Variants in UBE2J1 observed in about 807,000 individuals in gnomAD.
UBE2J1 encodes ubiquitin-conjugating enzyme E2 J1.
A neutral mutation model predicts 42.1 loss-of-function variants in UBE2J1; 17 were observed. The ratio of observed to expected loss-of-function variants is 0.40; its 90% CI spans 0.28 to 0.61. The LOEUF is 0.61. Ranked by LOEUF, UBE2J1 falls within the 20% of genes least tolerant of loss-of-function variation. The pLI, the probability that UBE2J1 is intolerant of heterozygous loss-of-function variation, is 0.38. For synonymous variants in UBE2J1, 127 were observed against 137.2 expected (o/e 0.93, Z 0.52); for missense variants, 291 against 389.4 (o/e 0.75, Z 2.13).
In UBE2J1 at chr6:89,329,562, A is replaced by G. The variant is rs1767963408; in HGVS notation, c.*117T>C. 9 of 1,157,960 alleles carry G rather than the reference A, an allele frequency of 7.8e-6. No individual in the cohort carries two copies. In the South Asian group the frequency reaches 1.1e-4, roughly 14 times the overall value. 71.7% of individuals were successfully genotyped at this position (1,157,960 alleles called of 1,614,324 possible). On this transcript the variant is annotated 3_prime_UTR_variant, in exon 8 of 8. Coordinates refer to ENST00000435041, the MANE Select transcript of UBE2J1 (RefSeq NM_016021.3). ...TTTATACTAAACTTACAAGGATCAA[A>G]AAAAGGAATGAAGGGTAAATACAAA...
chr6:89,348,720 C>T (rs1426533476), intron 1 of UBE2J1, among the ~76,000 whole-genome samples: 1 of 152,154 alleles, frequency 6.6e-6, no homozygotes, highest in Non-Finnish European at 1.5e-5. Flanking sequence ...ATAATTACAA[C>T]CAAGTGGTAA....
chr6:89,340,316 T>C (rs911512485), intron 3 of UBE2J1, among the ~76,000 whole-genome samples: 4 of 152,224 alleles, frequency 2.6e-5, no homozygotes, highest in African/African-American at 7.2e-5. Flanking sequence ...TATTGAAATA[T>C]ACCTGTATTT....
chr6:89,350,269 C>A (rs1562426447), intron 1 of UBE2J1, among the ~76,000 whole-genome samples: 1 of 152,206 alleles, frequency 6.6e-6, no homozygotes, highest in Non-Finnish European at 1.5e-5. Context: ...ACATCAAAGA[C>A]AATCCCACAT....
rs1188110910 is a variant in UBE2J1 at position 89,326,799 on chromosome 6, C to T, written c.*2880G>A. Reference sequence around the variant, plus strand: ...AGTCACGTTCACTAAATGCATTAACCTTACATATACTTCCAATTAAAAAAA... The same window carrying T: ...AGTCACGTTCACTAAATGCATTAACTTTACATATACTTCCAATTAAAAAAA... On this transcript the variant is annotated 3_prime_UTR_variant, in exon 8 of 8. Coordinates refer to ENST00000435041, the MANE Select transcript of UBE2J1 (RefSeq NM_016021.3). 6.6e-6 allele frequency: 1 copy of T among 152,072 alleles called. No individual in the cohort carries two copies. Among genetic ancestry groups the T allele is most frequent in the Non-Finnish European group, 1.5e-5 (1 of 68,006 alleles). The allele number at this position is 152,072 out of a possible 1,614,324, so 9.4% of individuals were successfully genotyped here.
chr6:89,345,825 T>G (rs1166467562), intron 1 of UBE2J1, among the ~76,000 whole-genome samples: 1 of 151,470 alleles, frequency 6.6e-6, no homozygotes, highest in Non-Finnish European at 1.5e-5. Context: ...GAGAATCGCT[T>G]AAACCCAGGA....
At chr6:89,343,797 T>A in intron 1 of UBE2J1, 41 bp from the exon 2 acceptor site, 1 of 1,482,810 alleles carries the variant, frequency 6.7e-7, no homozygotes, top group Non-Finnish European at 9.2e-7. Flanking sequence ...TAAAATATAC[T>A]TTTCTGAATG....
At position 89,329,797 on chromosome 6, in the gene UBE2J1, TTG is replaced by T; in HGVS notation, c.837_838del (p.Asp279GlufsTer4). The T allele has an allele frequency of 6.2e-7, 1 of 1,614,050 alleles. No individual in the cohort carries two copies. Among genetic ancestry groups the T allele is most frequent in the Non-Finnish European group, 8.5e-7 (1 of 1,179,990 alleles). On this transcript the variant is annotated frameshift_variant, in exon 8 of 8. Coordinates refer to ENST00000435041, the MANE Select transcript of UBE2J1 (RefSeq NM_016021.3). LOFTEE classifies it high-confidence loss of function. Reference sequence around the variant, plus strand: ...AGCTGACCCACCATGATCAGTGTGGTTGTCTCTTGGCTGGTGGCCCTGGATTA... The same window carrying T: ...AGCTGACCCACCATGATCAGTGTGGTTCTCTTGGCTGGTGGCCCTGGATTA...
In UBE2J1 at chr6:89,344,150, T is replaced by C. The variant is rs553308015; in HGVS notation, c.32-394A>G. ...GAAGCCGAGACACGGAGAGATTATA[T>C]AGTCACACAGCTAGTAAATGACAGA... On this transcript the variant is annotated intron_variant, in intron 1 of 7. Coordinates refer to ENST00000435041, the MANE Select transcript of UBE2J1 (RefSeq NM_016021.3). 2.9e-3 allele frequency among the ~76,000 whole-genome samples: 441 copies of C among 152,244 alleles called. 3 individuals are homozygous for C. Among genetic ancestry groups the C allele is most frequent in the African/African-American group, 1.0e-2 (414 of 41,516 alleles).
chr6:89,351,730 C>T (rs1423300668), intron 1 of UBE2J1, among the ~76,000 whole-genome samples: 2 of 152,090 alleles, frequency 1.3e-5, no homozygotes, highest in African/African-American at 4.8e-5. Context: ...TATCAAGGTA[C>T]AGATAGAAAA....
At chr6:89,350,674 C>G (rs949515975) in intron 1 of UBE2J1, among the ~76,000 whole-genome samples, 1 of 152,022 alleles carries the variant, frequency 6.6e-6, no homozygotes, top group Non-Finnish European at 1.5e-5. Flanking sequence ...AGAAGCATGT[C>G]AACCAAAGCT....
chr6:89,352,270 C>G (rs1205463988), intron 1 of UBE2J1, among the ~76,000 whole-genome samples: 1 of 152,322 alleles, frequency 6.6e-6, no homozygotes, highest in South Asian at 2.1e-4. Flanking sequence ...GAGTTTCTGA[C>G]CCAGCTCTAC....
chr6:89,342,305 A>C lies in UBE2J1; in HGVS notation c.237+19T>G. 1 of 1,613,372 alleles carries C rather than the reference A, an allele frequency of 6.2e-7. No homozygotes were observed. The highest frequency in any genetic ancestry group is 2.2e-5 in the East Asian group (1 of 44,842). ...GGAAGAGTGAAGCCACAAGCACTCTAAAAATCCAAAATTCTTACCGTTAGG... is the reference window on the plus strand; with the variant it reads ...GGAAGAGTGAAGCCACAAGCACTCTCAAAATCCAAAATTCTTACCGTTAGG... On this transcript the variant is annotated intron_variant, in intron 3 of 7. Coordinates refer to ENST00000435041, the MANE Select transcript of UBE2J1 (RefSeq NM_016021.3).
Position 89,352,713 on chromosome 6 carries a change from C to G in UBE2J1, c.-144G>C. 5 of 903,334 alleles carry G rather than the reference C, an allele frequency of 5.5e-6. No homozygotes were observed. The South Asian group carries it at 1.2e-4, about 21-fold the overall frequency. 56.0% of individuals were successfully genotyped at this position (903,334 alleles called of 1,614,324 possible). A position where few individuals can be genotyped will look rare whatever the true frequency, so the allele number is the denominator to read the frequency against. On this transcript the variant is annotated 5_prime_UTR_variant, in exon 1 of 8. Coordinates refer to ENST00000435041, the MANE Select transcript of UBE2J1 (RefSeq NM_016021.3). Reference sequence around the variant, plus strand: ...ATGCCGCCCAGTCCAGCCTGGACTGCGGGCGGGGTGGCAAGGCTGAGTGCG... The same window carrying G: ...ATGCCGCCCAGTCCAGCCTGGACTGGGGGCGGGGTGGCAAGGCTGAGTGCG...
In UBE2J1 at chr6:89,327,193, AT is replaced by A. The variant is rs35970693; in HGVS notation, c.*2485del. 71,524 of 151,672 alleles carry A rather than the reference AT, an allele frequency of 0.47. 19,059 individuals are homozygous for A. Among genetic ancestry groups the A allele is most frequent in the African/African-American group, 0.71 (29,268 of 41,132 alleles). The allele number at this position is 151,672 out of a possible 1,614,324, so 9.4% of individuals were successfully genotyped here. ...CAGTTACAGGTGAAACAGATTACGTATTTTTTTTTCAAGCATGCTATTTTAA... is the reference window on the plus strand; with the variant it reads ...CAGTTACAGGTGAAACAGATTACGTATTTTTTTTCAAGCATGCTATTTTAA... On this transcript the variant is annotated 3_prime_UTR_variant, in exon 8 of 8. Transcript: ENST00000435041.
chr6:89,330,351 A>C (rs2127859517), intron 7 of UBE2J1, among the ~76,000 whole-genome samples: 1 of 152,106 alleles, frequency 6.6e-6, no homozygotes, highest in East Asian at 1.9e-4. Context: ...GGATCTTGTT[A>C]CATTGCCCAG....
chr6:89,328,855 G>A lies in UBE2J1; in HGVS notation c.*824C>T, dbSNP rs568092662. 3.9e-5 allele frequency: 6 copies of A among 152,224 alleles called. No homozygotes were observed. In the East Asian group the frequency reaches 1.2e-3, roughly 29 times the overall value. The allele number at this position is 152,224 out of a possible 1,614,324, so 9.4% of individuals were successfully genotyped here. On this transcript the variant is annotated 3_prime_UTR_variant, in exon 8 of 8. Coordinates refer to ENST00000435041, the MANE Select transcript of UBE2J1 (RefSeq NM_016021.3). Reference sequence around the variant, plus strand: ...GCTAGGCATATAATACATCCCAAAAGACATACATTTCAAAGCAGACCAAAC... The same window carrying A: ...GCTAGGCATATAATACATCCCAAAAAACATACATTTCAAAGCAGACCAAAC...
At chr6:89,338,657 G>GGTTTTTTTTT (rs1768159786) in intron 3 of UBE2J1, 114 bp from the exon 4 acceptor site, 1 of 104,708 alleles carries the variant, frequency 9.6e-6, no homozygotes. Context: ...TAAAAAGTTT[G>GGTTTTTTTTT]TTTTTTTTTT....
chr6:89,336,730 C>A (rs1169867604), intron 5 of UBE2J1, among the ~76,000 whole-genome samples: 1 of 152,034 alleles, frequency 6.6e-6, no homozygotes, highest in Non-Finnish European at 1.5e-5. Context: ...TTATTTGCTT[C>A]AAAATGTATT....
In UBE2J1 at chr6:89,341,900, A is replaced by T. The variant is rs1172033208; in HGVS notation, c.237+424T>A. ...ATCTTGATACTTTTCATCCCACATAAACTCAATGAGGTAGGTATCATTATT... is the reference window on the plus strand; with the variant it reads ...ATCTTGATACTTTTCATCCCACATATACTCAATGAGGTAGGTATCATTATT... On this transcript the variant is annotated intron_variant, in intron 3 of 7. Coordinates refer to ENST00000435041, the MANE Select transcript of UBE2J1 (RefSeq NM_016021.3). Among the ~76,000 whole-genome samples the T allele has an allele frequency of 4.6e-5, 7 of 152,176 alleles. No homozygotes were observed. In the East Asian group the frequency reaches 1.3e-3, roughly 29 times the overall value.
Sources: allele counts gnomAD v4.1 joint callset (sites outside exome capture counted in the v4.1 genomes callset), GRCh38; gene constraint gnomAD v4.1.1; transcripts MANE v1.5; gene names NCBI Gene and HGNC (gene_info 2026-07-23, HGNC 2026-07-21).